SDK1: variants seen among roughly 807,000 people sequenced by gnomAD.
SDK1 encodes the protein sidekick cell adhesion molecule 1.
Under a neutral mutation model 245.5 loss-of-function variants are expected in SDK1, and 157 were observed. The ratio of observed to expected loss-of-function variants is 0.64; its 90% CI spans 0.56 to 0.73. SDK1 has a LOEUF of 0.73. Among genes scored for constraint, SDK1 ranks in the 30% least tolerant of loss-of-function variants. The pLI is 0.00. For synonymous variants in SDK1, 1,647 were observed against 1,278.5 expected, an observed-to-expected ratio of 1.29 and a Z score of -6.15; for missense variants, 3,583 against 3,002.3, an observed-to-expected ratio of 1.19 and a Z score of -4.52.
chr7:4,018,835 G>T (rs143829277), intron 17 of SDK1, among the ~76,000 whole-genome samples: 1 of 152,174 alleles, frequency 6.6e-6, no homozygotes. Context: ...GAATCTGTGC[G>T]TGGGTGTGCA....
intron 1 of SDK1, among the ~76,000 whole-genome samples, chr7:3,442,944 C>G (rs892915510): frequency 6.6e-6 from 1 of 152,116 alleles, no homozygotes; most frequent in Non-Finnish European, 1.5e-5. Flanking sequence ...AAACTAATTT[C>G]TCCCAAGAAG....
intron 14 of SDK1, 120 bp downstream of exon 14, chr7:3,987,442 T>A: frequency 1.9e-6 from 2 of 1,038,290 alleles, no homozygotes; most frequent in Non-Finnish European, 2.9e-6. Flanking sequence ...GCTGTAATGC[T>A]TTACAGGGTT....
intron 5 of SDK1, among the ~76,000 whole-genome samples, chr7:3,850,852 C>G (rs1291022331): frequency 1.3e-3 from 121 of 95,646 alleles, no homozygotes; most frequent in African/African-American, 4.8e-3. Context: ...ACACCGGGGC[C>G]TGTTGTGGGG....
At chr7:3,982,144 C>T (rs140595003) in intron 13 of SDK1, among the ~76,000 whole-genome samples, 7 of 152,208 alleles carry the variant, frequency 4.6e-5, no homozygotes, top group Non-Finnish European at 1.0e-4. Context: ...AAGAACGATG[C>T]TAAATCTACT....
chr7:4,199,697 G>T (rs999731333), intron 35 of SDK1, among the ~76,000 whole-genome samples: 1 of 152,146 alleles, frequency 6.6e-6, no homozygotes, highest in Non-Finnish European at 1.5e-5. Context: ...TGGAAGGAGA[G>T]TGTCCCCTGT....
chr7:3,936,425 GA>G (rs535566671), intron 5 of SDK1, among the ~76,000 whole-genome samples: 26 of 149,470 alleles, frequency 1.7e-4, no homozygotes, highest in Admixed American at 8.7e-4. Flanking sequence ...ACTAAAAATA[GA>G]AAAAAAAAAT....
Position 3,363,555 on chromosome 7 carries a change from G to A in SDK1, c.298+61671G>A, listed in dbSNP as rs1249933413. The stretch of plus-strand genomic sequence containing the variant: ...GCGGCCCCCAACCTTTTTGGCACCA[G>A]GGACCGGTTTCTTCAAAGACAGTTT... On this transcript the variant is annotated intron_variant, in intron 1 of 44. Coordinates refer to ENST00000404826, the MANE Select transcript of SDK1 (RefSeq NM_152744.4). 2.0e-5 allele frequency among the ~76,000 whole-genome samples: 3 copies of A among 152,110 alleles called. No homozygotes were observed. In the East Asian group the frequency reaches 5.8e-4, roughly 29 times the overall value.
At position 3,809,773 on chromosome 7, in the gene SDK1, A is replaced by C. The variant is rs563421676; in HGVS notation, c.714-11677A>C. 7.2e-5 allele frequency among the ~76,000 whole-genome samples: 11 copies of C among 152,346 alleles called. No individual in the cohort carries two copies. The East Asian group carries it at 2.1e-3, about 29-fold the overall frequency. ...GCAGCATCACGTGGAGCGAGGGTCAAGTCCTCTGCCTGGTGCGCCTTTATC... is the reference window on the plus strand; with the variant it reads ...GCAGCATCACGTGGAGCGAGGGTCACGTCCTCTGCCTGGTGCGCCTTTATC... On this transcript the variant is annotated intron_variant, in intron 4 of 44. Coordinates refer to ENST00000404826, the MANE Select transcript of SDK1 (RefSeq NM_152744.4).
chr7:4,132,356 C>G lies in SDK1; in HGVS notation c.4161C>G (p.Pro1387=). ...APGPPVRLVF[P]EVRLTSVRIV... is the part of the protein sequence containing the mutation. ...GCCCACCAGTGAGGCTCGTGTTCCC[C>G]GAAGTGAGACTCACCTCCGTGCGGA... Residue 1387 remains proline, a synonymous_variant, in exon 28 of 45, where the codon CCC becomes CCG. Transcript: ENST00000404826. The G allele has an allele frequency of 3.1e-6, 5 of 1,612,680 alleles. No individual in the cohort carries two copies. The highest frequency in any genetic ancestry group is 4.2e-6 in the Non-Finnish European group (5 of 1,179,108).
chr7:4,227,010 C>T (rs1283990590), intron 40 of SDK1: 2 of 173,254 alleles, frequency 1.2e-5, no homozygotes, highest in African/African-American at 2.4e-5. Context: ...GGTCCCGTGC[C>T]TGATGGGGAC....
chr7:4,113,734 A>G (rs888684832), intron 24 of SDK1, among the ~76,000 whole-genome samples: 3 of 152,238 alleles, frequency 2.0e-5, no homozygotes, highest in African/African-American at 4.8e-5. Context: ...AGCTAGGTCA[A>G]CATGGAACCA....
At chr7:3,448,902 C>G (rs1293264153) in intron 1 of SDK1, among the ~76,000 whole-genome samples, 1 of 152,154 alleles carries the variant, frequency 6.6e-6, no homozygotes, top group Non-Finnish European at 1.5e-5. Flanking sequence ...TTGTTTCTGG[C>G]TAAAATTGCG....
intron 1 of SDK1, among the ~76,000 whole-genome samples, chr7:3,618,207 C>G (rs974812445): frequency 6.6e-6 from 1 of 152,070 alleles, no homozygotes; most frequent in Admixed American, 6.6e-5. Context: ...ATCTAGTATT[C>G]TCTCCATTTT....
At chr7:3,812,414 A>G (rs919494546) in intron 4 of SDK1, among the ~76,000 whole-genome samples, 9 of 152,220 alleles carry the variant, frequency 5.9e-5, no homozygotes, top group African/African-American at 1.9e-4. Context: ...AGGAGTTACC[A>G]TTTTAGAAAT....
intron 5 of SDK1, among the ~76,000 whole-genome samples, chr7:3,899,674 G>A (rs1250966736): frequency 2.6e-5 from 4 of 152,304 alleles, no homozygotes; most frequent in South Asian, 2.1e-4. Context: ...CCACAGGCAC[G>A]CCTGCCACGC....
At chr7:3,604,203 GAGTT>G (rs1781343652) in intron 1 of SDK1, among the ~76,000 whole-genome samples, 1 of 152,196 alleles carries the variant, frequency 6.6e-6, no homozygotes, top group African/African-American at 2.4e-5. Context: ...CTCATAAAAT[GAGTT>G]AGAGAGGATT....
chr7:3,897,072 C>T (rs1781629185), intron 5 of SDK1, among the ~76,000 whole-genome samples: 1 of 152,130 alleles, frequency 6.6e-6, no homozygotes, highest in Non-Finnish European at 1.5e-5. Flanking sequence ...AGAATTCTAT[C>T]ATGAAAGCAG....
At chr7:3,594,572 C>T (rs1780991326) in intron 1 of SDK1, among the ~76,000 whole-genome samples, 1 of 152,178 alleles carries the variant, frequency 6.6e-6, no homozygotes, top group South Asian at 2.1e-4. Flanking sequence ...TATGAGGGTT[C>T]TGATTTCTCC....
intron 1 of SDK1, among the ~76,000 whole-genome samples, chr7:3,395,023 A>G (rs1348879792): frequency 6.6e-6 from 1 of 152,064 alleles, no homozygotes; most frequent in Non-Finnish European, 1.5e-5. Context: ...TAGAGCTTCC[A>G]GTGCTGTGCT....
Sources: allele counts gnomAD v4.1 joint callset (sites outside exome capture counted in the v4.1 genomes callset), GRCh38; gene constraint gnomAD v4.1.1; transcripts MANE v1.5; gene names NCBI Gene and HGNC (gene_info 2026-07-23, HGNC 2026-07-21).